The following FHIT variants were observed in gnomAD, a reference collection of about 807,000 sequenced individuals.
FHIT encodes the protein fragile histidine triad diadenosine triphosphatase, also known as bis(5'-adenosyl)-triphosphatase.
In FHIT, 19 loss-of-function variants were observed where a neutral mutation model predicts 17.9. That is an observed-to-expected ratio of 1.06 (90% CI 0.74 to 1.56). The LOEUF (loss-of-function observed/expected upper bound fraction) is 1.56. Among genes scored for constraint, FHIT ranks in the 40% most tolerant of loss-of-function variants. The pLI is 0.00. For synonymous variants in FHIT, 81 were observed against 69.7 expected (o/e 1.16, Z -0.81); for missense variants, 248 against 189.2 (o/e 1.31, Z -1.82).
At chr3:60,622,899 G>C (rs2039174324) in intron 4 of FHIT, among the ~76,000 whole-genome samples, 2 of 152,152 alleles carry the variant, frequency 1.3e-5, no homozygotes, top group South Asian at 2.1e-4. Flanking sequence ...CTTCTCCCAG[G>C]CTCCTGCACC....
chr3:60,027,805 T>G (rs974650718), intron 5 of FHIT, among the ~76,000 whole-genome samples: 1 of 152,100 alleles, frequency 6.6e-6, no homozygotes, highest in African/African-American at 2.4e-5. Context: ...CCATCATAAT[T>G]TAGCTAACAT....
intron 3 of FHIT, among the ~76,000 whole-genome samples, chr3:60,997,139 A>T (rs1452238003): frequency 6.6e-6 from 1 of 152,134 alleles, no homozygotes; most frequent in Non-Finnish European, 1.5e-5. Flanking sequence ...ATTGAAAGGC[A>T]TTTCCTAGTG....
intron 7 of FHIT, among the ~76,000 whole-genome samples, chr3:59,934,915 G>T (rs1364820957): frequency 6.6e-6 from 1 of 152,116 alleles, no homozygotes; most frequent in Non-Finnish European, 1.5e-5. Context: ...TGAGATTTGG[G>T]TGCGGATGCA....
At chr3:60,212,199 T>C (rs1703483232) in intron 5 of FHIT, among the ~76,000 whole-genome samples, 1 of 152,078 alleles carries the variant, frequency 6.6e-6, no homozygotes, top group Admixed American at 6.6e-5. Flanking sequence ...ATTTTAAGGC[T>C]CCCAGTGAAA....
chr3:60,568,717 C>A (rs937666493), intron 4 of FHIT, among the ~76,000 whole-genome samples: 3 of 152,108 alleles, frequency 2.0e-5, no homozygotes, highest in Admixed American at 1.3e-4. Flanking sequence ...TGGAACTCAA[C>A]CTTTAGGCAT....
In FHIT at chr3:60,014,060, C is replaced by A. The variant is rs769130211; in HGVS notation, c.196G>T (p.Gly66Trp). The A allele has an allele frequency of 6.2e-7, 1 of 1,613,958 alleles. No homozygotes were observed. Among genetic ancestry groups the A allele is most frequent in the Non-Finnish European group, 8.5e-7 (1 of 1,179,944 alleles). ...TGGAAATGTTTTTCCACCACTGTCC[C>A]GACTCTCTGGGTCGTCTGAAACAAA... ...ADLFQTTQRVGTVVEKHFHGT... is the reference protein window; with the variant it reads ...ADLFQTTQRVWTVVEKHFHGT... The change falls in exon 6 of 10, where the codon GGG becomes TGG. Residue 66 changes from glycine to tryptophan, a missense_variant. Transcript: ENST00000492590.
intron 5 of FHIT, among the ~76,000 whole-genome samples, chr3:60,320,539 A>G (rs1709378704): frequency 6.6e-6 from 1 of 152,198 alleles, no homozygotes; most frequent in Non-Finnish European, 1.5e-5. Flanking sequence ...TTTAATTCAA[A>G]TATTAATCCT....
At chr3:60,661,822 CAT>C (rs2040254242) in intron 4 of FHIT, among the ~76,000 whole-genome samples, 2 of 152,130 alleles carry the variant, frequency 1.3e-5, no homozygotes, top group Admixed American at 6.6e-5. Context: ...AGCAGTTTTT[CAT>C]ATGTTTGTTG....
At chr3:60,754,528 G>A (rs149646314) in intron 4 of FHIT, among the ~76,000 whole-genome samples, 262 of 152,252 alleles carry the variant, frequency 1.7e-3, no homozygotes, top group African/African-American at 5.9e-3. Flanking sequence ...CTATTTGGGA[G>A]GCTGAAGCAG....
intron 5 of FHIT, among the ~76,000 whole-genome samples, chr3:60,454,475 C>T (rs2031958906): frequency 6.6e-6 from 1 of 151,740 alleles, no homozygotes; most frequent in Admixed American, 6.6e-5. Flanking sequence ...ACCTCCACCT[C>T]CTGGGTTCAA....
At chr3:61,034,760 C>T in intron 3 of FHIT, among the ~76,000 whole-genome samples, 1 of 152,054 alleles carries the variant, frequency 6.6e-6, no homozygotes, top group Non-Finnish European at 1.5e-5. Context: ...TTACCATGTA[C>T]CCCAGAAATC....
chr3:59,954,221 G>GCT (rs1553633305), intron 7 of FHIT, among the ~76,000 whole-genome samples: 1 of 120,978 alleles, frequency 8.3e-6, no homozygotes, highest in Non-Finnish European at 1.7e-5. Context: ...ATTTTGTTCT[G>GCT]TTTTTTTTTC....
chr3:60,225,734 G>A (rs867171969), intron 5 of FHIT, among the ~76,000 whole-genome samples: 70 of 152,154 alleles, frequency 4.6e-4, no homozygotes, highest in African/African-American at 1.6e-3. Context: ...CAGCGACTTT[G>A]GGATCATCAA....
intron 5 of FHIT, among the ~76,000 whole-genome samples, chr3:60,299,053 G>A (rs892173728): frequency 6.6e-6 from 1 of 152,106 alleles, no homozygotes; most frequent in Admixed American, 6.6e-5. Flanking sequence ...TAATCCTGCT[G>A]GAACTTCTCT....
intron 5 of FHIT, among the ~76,000 whole-genome samples, chr3:60,293,200 A>T (rs1708064691): frequency 6.6e-6 from 1 of 152,128 alleles, no homozygotes; most frequent in Non-Finnish European, 1.5e-5. Flanking sequence ...GAGGAGCCTA[A>T]ATATGATATA....
intron 4 of FHIT, among the ~76,000 whole-genome samples, chr3:60,721,034 T>A (rs2041797955): frequency 6.6e-6 from 1 of 152,166 alleles, no homozygotes; most frequent in South Asian, 2.1e-4. Flanking sequence ...AGTGATGACT[T>A]AACAAAATTC....
At chr3:60,421,973 G>T (rs1284801105) in intron 5 of FHIT, among the ~76,000 whole-genome samples, 1 of 152,172 alleles carries the variant, frequency 6.6e-6, no homozygotes, top group Non-Finnish European at 1.5e-5. Context: ...AAAGGTAAAA[G>T]ATTAGAGATT....
chr3:60,388,300 CTT>C (rs1207678455), intron 5 of FHIT, among the ~76,000 whole-genome samples: 2 of 152,156 alleles, frequency 1.3e-5, no homozygotes, highest in African/African-American at 4.8e-5. Flanking sequence ...AGGCACGTCT[CTT>C]GAGTTAACAA....
intron 1 of FHIT, among the ~76,000 whole-genome samples, chr3:61,211,396 T>C (rs1048031375): frequency 2.0e-5 from 3 of 152,224 alleles, no homozygotes; most frequent in Non-Finnish European, 2.9e-5. Flanking sequence ...GGAGTCTCGC[T>C]GATTGCTAGC....
Sources: allele counts gnomAD v4.1 joint callset (sites outside exome capture counted in the v4.1 genomes callset), GRCh38; gene constraint gnomAD v4.1.1; transcripts MANE v1.5; gene names NCBI Gene and HGNC (gene_info 2026-07-23, HGNC 2026-07-21).